TXLNB: variants seen among roughly 807,000 people sequenced by gnomAD.
TXLNB encodes the protein beta-taxilin.
Under a neutral mutation model 57.4 loss-of-function variants are expected in TXLNB, and 37 were observed. The observed-to-expected ratio is 0.64, with a 90% CI of 0.50 to 0.85. The LOEUF is 0.85. Ranked by LOEUF, TXLNB falls within the 40% of genes least tolerant of loss-of-function variation. The probability of loss-of-function intolerance (pLI) is 0.00; values close to 1 mark genes in which losing one functional copy is unlikely to be tolerated. For missense variants in TXLNB, 848 were observed against 825.6 expected (o/e 1.03, Z -0.33); for synonymous variants, 302 against 309.6 (o/e 0.98, Z 0.26).
chr6:139,284,938 A>G (rs1777137532), intron 2 of TXLNB, among the ~76,000 whole-genome samples: 1 of 145,764 alleles, frequency 6.9e-6, no homozygotes, highest in Admixed American at 6.7e-5. Context: ...TAGCTGTTAA[A>G]TAGTACAGTG....
chr6:139,321,018 G>A, the TXLNB span, among the ~76,000 whole-genome samples: 1 of 152,288 alleles, frequency 6.6e-6, no homozygotes, highest in South Asian at 2.1e-4. Flanking sequence ...TTAATGTCAT[G>A]CACCTGCTTG....
the TXLNB span, chr6:139,170,199 G>T: frequency 2.6e-5 from 4 of 152,178 alleles, no homozygotes; most frequent in African/African-American, 9.7e-5. Context: ...GGGTACAGCA[G>T]ATATGAGAAT....
the TXLNB span, among the ~76,000 whole-genome samples, chr6:139,302,091 G>T: frequency 6.6e-6 from 1 of 152,136 alleles, no homozygotes. Flanking sequence ...AAATGTATTT[G>T]AATATTTTGC....
the TXLNB span, among the ~76,000 whole-genome samples, chr6:139,192,780 T>TAAA: frequency 3.5e-5 from 5 of 143,834 alleles, no homozygotes; most frequent in African/African-American, 1.3e-4. Context: ...CCGTCTCTAC[T>TAAA]AAAAAAAAAA....
chr6:139,230,951 T>A, the TXLNB span, among the ~76,000 whole-genome samples: 1 of 152,136 alleles, frequency 6.6e-6, no homozygotes, highest in Non-Finnish European at 1.5e-5. Context: ...CATATAACCA[T>A]CACCCTTACA....
chr6:139,214,655 A>C, the TXLNB span, among the ~76,000 whole-genome samples: 6 of 152,300 alleles, frequency 3.9e-5, no homozygotes, highest in African/African-American at 1.4e-4. Flanking sequence ...AAGGAAATAA[A>C]GGGCATTCAA....
chr6:139,196,905 A>G, the TXLNB span, among the ~76,000 whole-genome samples: 321 of 152,278 alleles, frequency 2.1e-3, 1 homozygote, highest in Non-Finnish European at 3.3e-3. Context: ...TTGTGAGTAT[A>G]TTGGGCCCAC....
intron 8 of TXLNB, among the ~76,000 whole-genome samples, chr6:139,247,013 C>T (rs1776082350): frequency 6.6e-6 from 1 of 152,052 alleles, no homozygotes; most frequent in Non-Finnish European, 1.5e-5. Flanking sequence ...AGGCTTCCAT[C>T]TTCTCATTCA....
chr6:139,198,195 CT>C, the TXLNB span, among the ~76,000 whole-genome samples: 603 of 144,332 alleles, frequency 4.2e-3, 1 homozygote, highest in Middle Eastern at 0.039. Context: ...ATCCATTGTA[CT>C]TTTTTTTTTT....
At chr6:139,228,300 G>C in the TXLNB span, among the ~76,000 whole-genome samples, 1 of 152,072 alleles carries the variant, frequency 6.6e-6, no homozygotes, top group Non-Finnish European at 1.5e-5. Flanking sequence ...TGGATCACCT[G>C]AGTTCAGGCA....
intron 2 of TXLNB, among the ~76,000 whole-genome samples, chr6:139,278,730 G>A (rs1391332885): frequency 6.6e-6 from 1 of 152,246 alleles, no homozygotes; most frequent in Non-Finnish European, 1.5e-5. Context: ...AGCTGGCCAG[G>A]CACGGTGGCT....
At chr6:139,192,219 G>C in the TXLNB span, among the ~76,000 whole-genome samples, 2 of 152,122 alleles carry the variant, frequency 1.3e-5, no homozygotes, top group African/African-American at 4.8e-5. Context: ...CACAAGTCTT[G>C]CAGACATACT....
chr6:139,270,570 T>C lies in TXLNB; in HGVS notation c.573A>G (p.Val191=). The change falls in exon 4 of 10, where the codon GTA becomes GTG. Residue 191 remains valine, a synonymous_variant. Coordinates refer to ENST00000358430, the MANE Select transcript of TXLNB (RefSeq NM_153235.4). ...KKLKLLQKKQ[V]QIQKEKDQLQ... is the part of the protein sequence containing the mutation. ...ACTGGTCCTTTTCTTTTTGAATTTGTACCTGTTTCTTTTGGAGGAGCTTTA... is the reference window on the plus strand; with the variant it reads ...ACTGGTCCTTTTCTTTTTGAATTTGCACCTGTTTCTTTTGGAGGAGCTTTA... 6.2e-7 allele frequency: 1 copy of C among 1,614,172 alleles called. No homozygotes were observed. The highest frequency in any genetic ancestry group is 8.5e-7 in the Non-Finnish European group (1 of 1,179,978).
At chr6:139,311,340 A>G in the TXLNB span, among the ~76,000 whole-genome samples, 1 of 152,202 alleles carries the variant, frequency 6.6e-6, no homozygotes, top group Non-Finnish European at 1.5e-5. Flanking sequence ...CTTTTGCATA[A>G]AACCTCTTGA....
At chr6:139,250,911 T>A (rs184707273) in intron 7 of TXLNB, among the ~76,000 whole-genome samples, 80 of 152,378 alleles carry the variant, frequency 5.3e-4, no homozygotes, top group African/African-American at 1.9e-3. Flanking sequence ...GCTGTCACCA[T>A]GTCTTACTTT....
upstream of TXLNB, among the ~76,000 whole-genome samples, chr6:139,296,431 AT>A (rs150489590): frequency 6.6e-6 from 1 of 151,864 alleles, no homozygotes; most frequent in African/African-American, 2.4e-5. Context: ...GATATGATCC[AT>A]TTTTTTTCCT....
In TXLNB at chr6:139,280,002, G is replaced by A. The variant is rs144930454; in HGVS notation, c.425-3081C>T. Among the ~76,000 whole-genome samples the A allele has an allele frequency of 7.0e-3, 1,064 of 152,220 alleles. 8 individuals carry two copies. Among genetic ancestry groups the A allele is most frequent in the African/African-American group, 0.025 (1,019 of 41,554 alleles). On this transcript the variant is annotated intron_variant, in intron 2 of 9. Coordinates refer to ENST00000358430, the MANE Select transcript of TXLNB (RefSeq NM_153235.4). Reference sequence around the variant, plus strand: ...AAAGAAACAAAAAAACTGGCCGAGCGTGGTGGCTCATGCTTGCCGAGGCGG... The same window carrying A: ...AAAGAAACAAAAAAACTGGCCGAGCATGGTGGCTCATGCTTGCCGAGGCGG...
chr6:139,228,996 G>A, the TXLNB span, among the ~76,000 whole-genome samples: 1 of 152,140 alleles, frequency 6.6e-6, no homozygotes, highest in African/African-American at 2.4e-5. Context: ...AGTGGGTAGG[G>A]CTCTGTGCTT....
chr6:139,166,306 G>C, the TXLNB span: 3 of 1,609,664 alleles, frequency 1.9e-6, no homozygotes, highest in Non-Finnish European at 2.5e-6. Flanking sequence ...CCACTCCCCT[G>C]ATCTGCAGCT....
Sources: gnomAD v4.1 joint callset for allele counts (sites outside exome capture counted in the v4.1 genomes callset) on GRCh38, gnomAD v4.1.1 for gene constraint, MANE v1.5 for transcripts, NCBI Gene and HGNC (gene_info 2026-07-23, HGNC 2026-07-21) for gene names.